GMDS: variants seen among roughly 807,000 people sequenced by gnomAD.
GMDS encodes GDP-mannose 4,6 dehydratase.
Under a neutral mutation model 49.9 loss-of-function variants are expected in GMDS, and 20 were observed. The ratio of observed to expected loss-of-function variants is 0.40; its 90% CI spans 0.28 to 0.58. GMDS has a LOEUF of 0.58. Among genes scored for constraint, GMDS ranks in the 20% least tolerant of loss-of-function variants. GMDS has a pLI of 0.42. For missense variants in GMDS, 362 were observed against 481.4 expected, an observed-to-expected ratio of 0.75 and a Z score of 2.32; for synonymous variants, 177 against 178.6, an observed-to-expected ratio of 0.99 and a Z score of 0.07.
chr6:1,927,686 A>C (rs3800139), intron 7 of GMDS, among the ~76,000 whole-genome samples: 95,034 of 151,854 alleles, frequency 0.63, 30,022 homozygotes, highest in East Asian at 0.83. Context: ...CTCACAGTGG[A>C]GCTAGCTTGG....
chr6:1,683,403 G>A (rs978412911), intron 9 of GMDS, among the ~76,000 whole-genome samples: 2 of 152,198 alleles, frequency 1.3e-5, no homozygotes, highest in African/African-American at 2.4e-5. Flanking sequence ...GATTACAGGC[G>A]TGAGCCACCG....
intron 1 of GMDS, among the ~76,000 whole-genome samples, chr6:2,241,449 G>A (rs574621275): frequency 2.0e-5 from 3 of 152,114 alleles, no homozygotes; most frequent in Non-Finnish European, 4.4e-5. Flanking sequence ...GGTCAGGGAT[G>A]GAATGCCATG....
intron 1 of GMDS, among the ~76,000 whole-genome samples, chr6:2,222,822 A>G (rs538718487): frequency 6.6e-6 from 1 of 152,290 alleles, no homozygotes; most frequent in East Asian, 1.9e-4. Flanking sequence ...TATGCCAACC[A>G]GACTTGGTCA....
intron 1 of GMDS, among the ~76,000 whole-genome samples, chr6:2,223,149 C>A (rs234933): frequency 0.36 from 53,227 of 149,082 alleles, 11,010 homozygotes; most frequent in African/African-American, 0.58. Context: ...CTCTCTCTCT[C>A]TATATATATA....
At chr6:1,976,888 G>A (rs1375784239) in intron 4 of GMDS, among the ~76,000 whole-genome samples, 1 of 152,120 alleles carries the variant, frequency 6.6e-6, no homozygotes, top group Non-Finnish European at 1.5e-5. Context: ...CACTGAACAG[G>A]AGATATATCT....
intron 7 of GMDS, among the ~76,000 whole-genome samples, chr6:1,906,049 A>C (rs984774051): frequency 2.6e-5 from 4 of 152,018 alleles, no homozygotes; most frequent in African/African-American, 7.2e-5. Flanking sequence ...AAAACGATAC[A>C]ATGATCTTTA....
chr6:2,219,551 C>T (rs954256459), intron 1 of GMDS, among the ~76,000 whole-genome samples: 7 of 152,162 alleles, frequency 4.6e-5, no homozygotes, highest in African/African-American at 1.4e-4. Flanking sequence ...TTGTAAAATA[C>T]AACTGAAGGT....
intron 1 of GMDS, among the ~76,000 whole-genome samples, chr6:2,150,659 G>T (rs958043589): frequency 1.3e-5 from 2 of 152,118 alleles, no homozygotes; most frequent in Non-Finnish European, 2.9e-5. Flanking sequence ...AATTATTTCA[G>T]ATTAAGAATC....
intron 9 of GMDS, among the ~76,000 whole-genome samples, chr6:1,699,922 G>A (rs1197698997): frequency 6.6e-6 from 1 of 152,210 alleles, no homozygotes; most frequent in African/African-American, 2.4e-5. Flanking sequence ...TCCATACGCA[G>A]AGGCAGCTGG....
intron 1 of GMDS, among the ~76,000 whole-genome samples, chr6:2,143,688 C>T (rs1776419052): frequency 6.6e-6 from 1 of 152,202 alleles, no homozygotes; most frequent in Non-Finnish European, 1.5e-5. Context: ...ACTCCCACCC[C>T]ACCTCTTAGC....
chr6:1,637,679 C>G (rs1198091787), intron 9 of GMDS, among the ~76,000 whole-genome samples: 1 of 152,238 alleles, frequency 6.6e-6, no homozygotes, highest in Non-Finnish European at 1.5e-5. Flanking sequence ...ACAGAGGCCT[C>G]CATGCAGAAG....
At chr6:2,116,529 T>C (rs549527664) in intron 3 of GMDS, among the ~76,000 whole-genome samples, 44 of 152,328 alleles carry the variant, frequency 2.9e-4, no homozygotes, top group African/African-American at 9.6e-4. Flanking sequence ...GGCAGGACTG[T>C]TCTGAACTTT....
chr6:2,069,022 T>C (rs994654800), intron 4 of GMDS, among the ~76,000 whole-genome samples: 13 of 151,986 alleles, frequency 8.6e-5, no homozygotes, highest in Admixed American at 4.6e-4. Flanking sequence ...AACTATACTA[T>C]AAGGCTACAG....
chr6:1,748,192 C>G (rs1470207999), intron 7 of GMDS, among the ~76,000 whole-genome samples: 1 of 152,182 alleles, frequency 6.6e-6, no homozygotes, highest in Non-Finnish European at 1.5e-5. Context: ...AATCGAACAG[C>G]TCCTAGTCTT....
At chr6:1,939,592 CACACACATATACACAT>C (rs1581392871) in intron 6 of GMDS, among the ~76,000 whole-genome samples, 2 of 117,160 alleles carry the variant, frequency 1.7e-5, no homozygotes, top group South Asian at 2.8e-4. Context: ...TACACACACA[CACACACATATACACAT>C]ACACACACAC....
At chr6:1,921,143 T>A (rs1761696498) in intron 7 of GMDS, among the ~76,000 whole-genome samples, 1 of 152,230 alleles carries the variant, frequency 6.6e-6, no homozygotes, top group Admixed American at 6.5e-5. Context: ...ACCTAACCCA[T>A]TTTATATGAA....
chr6:2,060,749 G>A (rs1348869271), intron 4 of GMDS, among the ~76,000 whole-genome samples: 2 of 152,192 alleles, frequency 1.3e-5, no homozygotes, highest in Non-Finnish European at 2.9e-5. Context: ...AAAGAAGGGG[G>A]CCGGGCGCGG....
chr6:1,972,633 T>A (rs1050361872), intron 4 of GMDS, among the ~76,000 whole-genome samples: 1 of 152,274 alleles, frequency 6.6e-6, no homozygotes, highest in Non-Finnish European at 1.5e-5. Flanking sequence ...CACTAAATTC[T>A]ATCTGAAATT....
At chr6:1,962,135 T>G (rs1160359683) in intron 4 of GMDS, among the ~76,000 whole-genome samples, 1 of 152,158 alleles carries the variant, frequency 6.6e-6, no homozygotes, top group Non-Finnish European at 1.5e-5. Flanking sequence ...GTTCAGTGGT[T>G]TCTAGTACAT....
Sources: gnomAD v4.1 joint callset for allele counts (sites outside exome capture counted in the v4.1 genomes callset) on GRCh38, gnomAD v4.1.1 for gene constraint, MANE v1.5 for transcripts, NCBI Gene and HGNC (gene_info 2026-07-23, HGNC 2026-07-21) for gene names.